Variants in SLC25A21 observed in about 807,000 individuals in gnomAD.
SLC25A21 encodes solute carrier family 25 member 21, also known as mitochondrial 2-oxodicarboxylate carrier.
Under a neutral mutation model 43.8 loss-of-function variants are expected in SLC25A21, and 47 were observed. The ratio of observed to expected loss-of-function variants is 1.07; its 90% CI spans 0.85 to 1.37. SLC25A21 has a LOEUF of 1.37. Among genes scored for constraint, SLC25A21 ranks in the 40% most tolerant of loss-of-function variants. The pLI is 0.00. For missense variants in SLC25A21, 352 were observed against 350.2 expected, an observed-to-expected ratio of 1.00 and a Z score of -0.04; for synonymous variants, 131 against 121.3, an observed-to-expected ratio of 1.08 and a Z score of -0.52.
At chr14:36,818,481 A>G (rs1390356682) in intron 2 of SLC25A21, among the ~76,000 whole-genome samples, 1 of 152,214 alleles carries the variant, frequency 6.6e-6, no homozygotes, top group Non-Finnish European at 1.5e-5. Context: ...CAGGCATGGT[A>G]ACTGCTAATG....
intron 1 of SLC25A21, among the ~76,000 whole-genome samples, chr14:36,920,508 C>T (rs192229569): frequency 6.0e-4 from 91 of 152,076 alleles, no homozygotes; most frequent in African/African-American, 2.1e-3. Flanking sequence ...TGAGAAGGTG[C>T]TGTGTATCTT....
intron 1 of SLC25A21, among the ~76,000 whole-genome samples, chr14:37,132,736 T>TA (rs34416815): frequency 0.22 from 32,880 of 146,258 alleles, 4,037 homozygotes; most frequent in South Asian, 0.31. Flanking sequence ...CATAGCTATA[T>TA]TTTTTTTTTT....
chr14:36,771,137 A>G (rs1288446373), intron 3 of SLC25A21, among the ~76,000 whole-genome samples: 2 of 152,350 alleles, frequency 1.3e-5, no homozygotes, highest in African/African-American at 4.8e-5. Context: ...TTGTTATCTG[A>G]CAGCCCATCT....
At chr14:36,742,191 C>A (rs1001795065) in intron 3 of SLC25A21, among the ~76,000 whole-genome samples, 1 of 150,286 alleles carries the variant, frequency 6.7e-6, no homozygotes. Context: ...TCTTTTTTCA[C>A]AAAATTTTTC....
chr14:36,825,827 G>T (rs1888810817), intron 2 of SLC25A21, among the ~76,000 whole-genome samples: 2 of 152,116 alleles, frequency 1.3e-5, no homozygotes, highest in African/African-American at 4.8e-5. Context: ...ATACATAAGA[G>T]TTAAATCTCC....
chr14:36,911,981 T>G (rs8005534), intron 1 of SLC25A21, among the ~76,000 whole-genome samples: 2,412 of 152,314 alleles, frequency 0.016, 61 homozygotes, highest in African/African-American at 0.054. Context: ...GAGCATTTAC[T>G]TGCTGTGTGC....
chr14:37,048,539 C>T (rs892616481), intron 1 of SLC25A21, among the ~76,000 whole-genome samples: 1 of 151,976 alleles, frequency 6.6e-6, no homozygotes, highest in Non-Finnish European at 1.5e-5. Context: ...AATTGACCTA[C>T]ATTATTCAAC....
chr14:37,084,624 G>C (rs1477059110), intron 1 of SLC25A21, among the ~76,000 whole-genome samples: 3 of 152,154 alleles, frequency 2.0e-5, no homozygotes, highest in African/African-American at 7.2e-5. Context: ...CTAATTTGGA[G>C]AACTCTAGTT....
chr14:36,916,050 T>C (rs1410877703), intron 1 of SLC25A21, among the ~76,000 whole-genome samples: 3 of 152,202 alleles, frequency 2.0e-5, no homozygotes. Context: ...AAAAGAGATG[T>C]TCAAAACTTT....
chr14:36,864,600 T>C (rs1304249287), intron 2 of SLC25A21, among the ~76,000 whole-genome samples: 1 of 152,232 alleles, frequency 6.6e-6, no homozygotes, highest in Non-Finnish European at 1.5e-5. Context: ...AAAGCAAAGT[T>C]GAAGTTGCAC....
At chr14:36,939,141 C>T (rs1892495789) in intron 1 of SLC25A21, among the ~76,000 whole-genome samples, 1 of 152,144 alleles carries the variant, frequency 6.6e-6, no homozygotes, top group South Asian at 2.1e-4. Flanking sequence ...GGTTTTGTTG[C>T]AAAATTTTGT....
chr14:36,733,634 C>A (rs977144943), intron 4 of SLC25A21, among the ~76,000 whole-genome samples: 1 of 151,868 alleles, frequency 6.6e-6, no homozygotes, highest in African/African-American at 2.4e-5. Context: ...AGGAGTACTG[C>A]GAATACATTT....
At chr14:36,781,625 CACAA>C (rs1317429478) in intron 3 of SLC25A21, among the ~76,000 whole-genome samples, 10 of 152,284 alleles carry the variant, frequency 6.6e-5, no homozygotes, top group South Asian at 2.1e-4. Flanking sequence ...AACTTCTCTA[CACAA>C]ACAGTTTAAG....
At position 36,678,792 on chromosome 14, in the gene SLC25A21, G is replaced by GAAGT; in HGVS notation, c.*1862_*1865dup. ...TAAAAAATCTAATATTAATGGTATT[G>GAAGT]AAGTTTCCTTTTCTCCCTCTAGGTC... On this transcript the variant is annotated 3_prime_UTR_variant, in exon 10 of 10. Transcript: ENST00000331299. 9.7e-7 allele frequency: 1 copy of GAAGT among 1,029,404 alleles called. No homozygotes were observed. The highest frequency in any genetic ancestry group is 1.2e-6 in the Non-Finnish European group (1 of 848,212). The allele number at this position is 1,029,404 out of a possible 1,614,324, so 63.8% of individuals were successfully genotyped here.
intron 3 of SLC25A21, among the ~76,000 whole-genome samples, chr14:36,783,290 G>A (rs913308191): frequency 6.6e-6 from 1 of 152,050 alleles, no homozygotes; most frequent in African/African-American, 2.4e-5. Flanking sequence ...GGAGCATTAG[G>A]GGCACCAGTG....
chr14:36,881,508 T>C (rs1337269935), intron 1 of SLC25A21, among the ~76,000 whole-genome samples: 1 of 152,150 alleles, frequency 6.6e-6, no homozygotes, highest in African/African-American at 2.4e-5. Context: ...CCAGAAAACA[T>C]GAGGTTGTTC....
At chr14:37,069,678 A>T (rs1962133532) in intron 1 of SLC25A21, among the ~76,000 whole-genome samples, 1 of 152,236 alleles carries the variant, frequency 6.6e-6, no homozygotes, top group African/African-American at 2.4e-5. Flanking sequence ...TTGTAAAAAA[A>T]ATTACTACAA....
At chr14:37,126,175 G>A (rs1963294326) in intron 1 of SLC25A21, among the ~76,000 whole-genome samples, 1 of 152,088 alleles carries the variant, frequency 6.6e-6, no homozygotes, top group African/African-American at 2.4e-5. Flanking sequence ...CTCAGGAGTT[G>A]AACAGCTTTG....
chr14:36,800,233 G>A (rs184891697), intron 3 of SLC25A21, among the ~76,000 whole-genome samples: 1 of 152,154 alleles, frequency 6.6e-6, no homozygotes, highest in Non-Finnish European at 1.5e-5. Flanking sequence ...ATACACCAAA[G>A]AACTGAAAGC....
Sources: gnomAD v4.1 joint callset for allele counts (sites outside exome capture counted in the v4.1 genomes callset) on GRCh38, gnomAD v4.1.1 for gene constraint, MANE v1.5 for transcripts, NCBI Gene and HGNC (gene_info 2026-07-23, HGNC 2026-07-21) for gene names.